Variants in PHLPP1 observed in about 807,000 individuals in gnomAD.
PHLPP1 encodes the protein PH domain and leucine rich repeat protein phosphatase 1.
PHLPP1 carries 42 observed loss-of-function variants against 117.2 expected under a neutral mutation model. The observed-to-expected ratio is 0.36, with a 90% confidence interval of 0.28 to 0.46. The LOEUF is 0.46. PHLPP1 is among the 20% of genes least tolerant of loss of function. The pLI is 1.00. For missense variants in PHLPP1, 2,084 were observed against 2,241.9 expected, an observed-to-expected ratio of 0.93 and a Z score of 1.42; for synonymous variants, 1,042 against 970.7, an observed-to-expected ratio of 1.07 and a Z score of -1.37.
In PHLPP1 at chr18:62,849,825, A is replaced by AT. The variant is rs1195636865; in HGVS notation, c.1900-10610_1900-10609insT. On this transcript the variant is annotated intron_variant, in intron 3 of 16. Coordinates refer to ENST00000262719, the MANE Select transcript of PHLPP1 (RefSeq NM_194449.4). ...AAAAAAAAAAAAAAAAAAAAAAAAA[A>AT]AAAAAAAATATATATATCCTTTAAA... Among the ~76,000 whole-genome samples, 184 of 97,530 alleles carry AT rather than the reference A, an allele frequency of 1.9e-3. 3 individuals carry two copies. The highest frequency in any genetic ancestry group is 2.6e-3 in the Non-Finnish European group (127 of 48,186). The allele number at this position is 97,530 out of a possible 152,430, so 64.0% of individuals were successfully genotyped here.
At chr18:62,734,800 T>C (rs1440875510) in intron 1 of PHLPP1, among the ~76,000 whole-genome samples, 1 of 152,198 alleles carries the variant, frequency 6.6e-6, no homozygotes, top group Non-Finnish European at 1.5e-5. Context: ...TTCAGTTAAC[T>C]CATTAGAGCA....
At chr18:62,842,056 CTTAT>C (rs1915066945) in intron 3 of PHLPP1, among the ~76,000 whole-genome samples, 5 of 152,004 alleles carry the variant, frequency 3.3e-5, no homozygotes, top group Admixed American at 2.6e-4. Context: ...CCTTTTAGGG[CTTAT>C]TTGAGATATG....
At chr18:62,787,264 G>A (rs1413866712) in intron 1 of PHLPP1, among the ~76,000 whole-genome samples, 3 of 152,014 alleles carry the variant, frequency 2.0e-5, no homozygotes, top group African/African-American at 7.2e-5. Context: ...TCCACCTCCT[G>A]TAAATGATTC....
chr18:62,817,834 T>A (rs1310274377), intron 1 of PHLPP1, among the ~76,000 whole-genome samples: 1 of 148,846 alleles, frequency 6.7e-6, no homozygotes, highest in African/African-American at 2.5e-5. Context: ...ATGCTAGGAC[T>A]TAAGAATGGC....
chr18:62,867,346 C>G (rs142495577), intron 4 of PHLPP1, among the ~76,000 whole-genome samples: 1 of 152,312 alleles, frequency 6.6e-6, no homozygotes, highest in Non-Finnish European at 1.5e-5. Flanking sequence ...GTCTCACGCC[C>G]CATCTACCCC....
chr18:62,956,378 G>A (rs536283282), intron 12 of PHLPP1, among the ~76,000 whole-genome samples: 4 of 152,216 alleles, frequency 2.6e-5, no homozygotes, highest in African/African-American at 9.6e-5. Context: ...CATGCATGAG[G>A]GCAAAGCCCT....
intron 1 of PHLPP1, among the ~76,000 whole-genome samples, chr18:62,795,720 G>T (rs943852336): frequency 6.6e-6 from 1 of 152,006 alleles, no homozygotes; most frequent in Non-Finnish European, 1.5e-5. Flanking sequence ...ATCCCTTAGC[G>T]CCTCCAATAT....
At chr18:62,966,026 G>T (rs1043779304) in intron 14 of PHLPP1, among the ~76,000 whole-genome samples, 5 of 152,056 alleles carry the variant, frequency 3.3e-5, no homozygotes, top group African/African-American at 1.2e-4. Context: ...ATAGAGGCAA[G>T]AATTTCAAAG....
At chr18:62,831,404 C>G (rs1914753108) in intron 2 of PHLPP1, among the ~76,000 whole-genome samples, 1 of 150,992 alleles carries the variant, frequency 6.6e-6, no homozygotes, top group African/African-American at 2.4e-5. Context: ...GTGGTGCAAT[C>G]CCAGCTCACT....
At chr18:62,738,079 C>T (rs1049804953) in intron 1 of PHLPP1, among the ~76,000 whole-genome samples, 3 of 151,926 alleles carry the variant, frequency 2.0e-5, no homozygotes, top group Non-Finnish European at 4.4e-5. Context: ...CCATCTGTAT[C>T]CATGGGTTCT....
chr18:62,809,782 T>A (rs1914059081), intron 1 of PHLPP1, among the ~76,000 whole-genome samples: 1 of 152,326 alleles, frequency 6.6e-6, no homozygotes, highest in East Asian at 1.9e-4. Context: ...AAAAACATTC[T>A]GTTTTTACCC....
chr18:62,787,027 A>G (rs1913308432), intron 1 of PHLPP1, among the ~76,000 whole-genome samples: 1 of 152,122 alleles, frequency 6.6e-6, no homozygotes. Context: ...GCATGCATTC[A>G]TTCATTTATT....
At chr18:62,924,676 G>GGA (rs1568163317) in intron 10 of PHLPP1, among the ~76,000 whole-genome samples, 1 of 93,610 alleles carries the variant, frequency 1.1e-5, no homozygotes, top group Non-Finnish European at 2.0e-5. Flanking sequence ...ACTACAAATT[G>GGA]AAAAAAAAAA....
chr18:62,752,753 G>A (rs1221346426), intron 1 of PHLPP1, among the ~76,000 whole-genome samples: 1 of 152,134 alleles, frequency 6.6e-6, no homozygotes, highest in African/African-American at 2.4e-5. Flanking sequence ...CTTGTTACAT[G>A]TTCAATATCT....
intron 1 of PHLPP1, among the ~76,000 whole-genome samples, chr18:62,769,448 C>A (rs1022440057): frequency 1.3e-5 from 2 of 152,118 alleles, no homozygotes; most frequent in Non-Finnish European, 2.9e-5. Flanking sequence ...GGAGGATAAA[C>A]AACTTTAAAC....
chr18:62,819,645 TTTA>T (rs1178836118), intron 1 of PHLPP1, among the ~76,000 whole-genome samples: 5 of 152,278 alleles, frequency 3.3e-5, no homozygotes, highest in South Asian at 2.1e-4. Flanking sequence ...CCTATTTTAT[TTTA>T]TTATTATTTA....
intron 9 of PHLPP1, among the ~76,000 whole-genome samples, chr18:62,917,930 C>G (rs1035677703): frequency 1.3e-5 from 2 of 152,082 alleles, no homozygotes; most frequent in Middle Eastern, 3.2e-3. Context: ...CAGGGCCAGG[C>G]ACAGTGGCTC....
At chr18:62,948,296 G>T (rs999650942) in intron 12 of PHLPP1, among the ~76,000 whole-genome samples, 1 of 152,088 alleles carries the variant, frequency 6.6e-6, no homozygotes, top group Admixed American at 6.6e-5. Flanking sequence ...ATACACTCCA[G>T]CCTGGGTGAC....
rs1424349783 is a variant in PHLPP1 at position 62,928,633 on chromosome 18, C to A, written c.2960+8519C>A. ...CTCAAATAATTAAACACAATATTACCCAGCAGTTCTACTCTTAGGTATATA... is the reference window on the plus strand; with the variant it reads ...CTCAAATAATTAAACACAATATTACACAGCAGTTCTACTCTTAGGTATATA... On this transcript the variant is annotated intron_variant, in intron 10 of 16. Transcript: ENST00000262719. Among the ~76,000 whole-genome samples, 3 of 152,172 alleles carry A rather than the reference C, an allele frequency of 2.0e-5. No homozygotes were observed. In the East Asian group the frequency reaches 5.8e-4, roughly 29 times the overall value.
Sources: allele counts gnomAD v4.1 joint callset (sites outside exome capture counted in the v4.1 genomes callset), GRCh38; gene constraint gnomAD v4.1.1; transcripts MANE v1.5; gene names NCBI Gene and HGNC (gene_info 2026-07-23, HGNC 2026-07-21).